The following TCF15 variants were observed in gnomAD, a reference collection of about 807,000 sequenced individuals.
TCF15 encodes the protein TCF-15.
A neutral mutation model predicts 11.1 loss-of-function variants in TCF15; 7 were observed. That is an observed-to-expected ratio of 0.63 (90% CI 0.36 to 1.19). The LOEUF is 1.19. Among genes scored for constraint, TCF15 ranks in the 50% most tolerant of loss-of-function variants. The probability of loss-of-function intolerance (pLI) is 0.02; values close to 1 mark genes in which losing one functional copy is unlikely to be tolerated. For synonymous variants in TCF15, 144 were observed against 138.9 expected, an observed-to-expected ratio of 1.04 and a Z score of -0.26; for missense variants, 288 against 289.4, an observed-to-expected ratio of 1.00 and a Z score of 0.03.
chr20:604,585 C>T lies in TCF15; in HGVS notation c.*6G>A. Reference sequence around the variant, plus strand: ...GGCTCCTGGCCTCCTTCTCCAGGGTCCAGGCTCATCTCCGTGGCCCTCGAA... The same window carrying T: ...GGCTCCTGGCCTCCTTCTCCAGGGTTCAGGCTCATCTCCGTGGCCCTCGAA... On this transcript the variant is annotated 3_prime_UTR_variant, in exon 2 of 2. Coordinates refer to ENST00000246080, the MANE Select transcript of TCF15 (RefSeq NM_004609.4). The surrounding 1 kb of genome is among the most constrained non-coding windows in gnomAD (Gnocchi z 4.2). The T allele has an allele frequency of 1.3e-6, 2 of 1,552,144 alleles. No homozygotes were observed. Among genetic ancestry groups the T allele is most frequent in the Non-Finnish European group, 1.7e-6 (2 of 1,147,304 alleles).
Position 604,559 on chromosome 20 carries a change from T to C in TCF15, c.*32A>G. 1 of 1,543,930 alleles carries C rather than the reference T, an allele frequency of 6.5e-7. No homozygotes were observed. Among genetic ancestry groups the C allele is most frequent in the Middle Eastern group, 1.7e-4 (1 of 5,860 alleles). ...TCTTCTTCCCTGTCCAGCCAGTGGC[T>C]GGCTCCTGGCCTCCTTCTCCAGGGT... On this transcript the variant is annotated 3_prime_UTR_variant, in exon 2 of 2. Coordinates refer to ENST00000246080, the MANE Select transcript of TCF15 (RefSeq NM_004609.4). The surrounding 1 kb of genome is among the most constrained non-coding windows in gnomAD (Gnocchi z 4.2).
chr20:605,123 G>A (rs562461876), intron 1 of TCF15, among the ~76,000 whole-genome samples: 1 of 152,180 alleles, frequency 6.6e-6, no homozygotes, highest in Non-Finnish European at 1.5e-5. Context: ...CCCGAGTAGC[G>A]GGGACTACAG....
intron 1 of TCF15, among the ~76,000 whole-genome samples, chr20:608,363 A>T (rs565874213): frequency 6.6e-6 from 1 of 152,262 alleles, no homozygotes; most frequent in East Asian, 1.9e-4. Context: ...AACTGGAATG[A>T]ATGGGTGAAA....
chr20:609,164 T>C lies in TCF15; in HGVS notation c.525+549A>G, dbSNP rs963902692. 8.6e-5 allele frequency among the ~76,000 whole-genome samples: 13 copies of C among 152,032 alleles called. No individual in the cohort carries two copies. The highest frequency in any genetic ancestry group is 3.1e-4 in the African/African-American group (13 of 41,396). On this transcript the variant is annotated intron_variant, in intron 1 of 1. Transcript: ENST00000246080. The surrounding 1 kb of genome is among the most constrained non-coding windows in gnomAD (Gnocchi z 4.7). ...TTCTTCTCAGTCTCCTGCTCTTGGG[T>C]TAGATCTTAGGACAGGGGACAATTA...
At position 609,221 on chromosome 20, in the gene TCF15, G is replaced by A. The variant is rs748506449; in HGVS notation, c.525+492C>T. On this transcript the variant is annotated intron_variant, in intron 1 of 1. Coordinates refer to ENST00000246080, the MANE Select transcript of TCF15 (RefSeq NM_004609.4). This position sits in a 1 kb window ranked among gnomAD's most constrained non-coding sequence, Gnocchi z 4.7. ...GGTGGGGGCAACACACACCGGGCAA[G>A]CCCAGGGCCAGCGCCCCGGCTTCCC... Among the ~76,000 whole-genome samples the A allele has an allele frequency of 5.4e-5, 8 of 147,596 alleles. No individual in the cohort carries two copies. Among genetic ancestry groups the A allele is most frequent in the Non-Finnish European group, 8.8e-5 (6 of 68,024 alleles).
Position 609,618 on chromosome 20 carries a change from C to CA in TCF15, c.525+94_525+95insT. On this transcript the variant is annotated intron_variant, in intron 1 of 1. Transcript: ENST00000246080. The surrounding 1 kb of genome is among the most constrained non-coding windows in gnomAD (Gnocchi z 4.7). ...ATTCCACGTCGCTTCCCCCTGGCCT[C>CA]GTTGGGGACCCCTGCACCTCTCCGG... 1.6e-6 allele frequency: 2 copies of CA among 1,281,762 alleles called. No homozygotes were observed. Among genetic ancestry groups the CA allele is most frequent in the Non-Finnish European group, 2.0e-6 (2 of 1,016,754 alleles). 79.4% of individuals were successfully genotyped at this position (1,281,762 alleles called of 1,614,324 possible).
rs1289275331 is a variant in TCF15 at position 609,879 on chromosome 20, T to C, written c.359A>G (p.Tyr120Cys). 1 of 1,527,186 alleles carries C rather than the reference T, an allele frequency of 6.5e-7. No homozygotes were observed. The highest frequency in any genetic ancestry group is 2.0e-5 in the Admixed American group (1 of 49,644). The allele number at this position is 1,527,186 out of a possible 1,614,324, so 94.6% of individuals were successfully genotyped here. Residue 120 changes from tyrosine to cysteine, a missense_variant, in exon 1 of 2, where the codon TAC (tyrosine) becomes TGC (cysteine). Coordinates refer to ENST00000246080, the MANE Select transcript of TCF15 (RefSeq NM_004609.4). This position sits in a 1 kb window ranked among gnomAD's most constrained non-coding sequence, Gnocchi z 4.7. ...KIETVRLASS[Y>C]IAHLANVLLL... ...CAGCACGTTGGCCAGGTGCGCGATG[T>C]AGCTGGACGCCAGGCGCACGGTCTC...
rs1487218233 is a variant in TCF15 at position 609,291 on chromosome 20, T to A, written c.525+422A>T. Among the ~76,000 whole-genome samples the A allele has an allele frequency of 6.6e-6, 1 of 152,140 alleles. No individual in the cohort carries two copies. The highest frequency in any genetic ancestry group is 1.5e-5 in the Non-Finnish European group (1 of 68,028). On this transcript the variant is annotated intron_variant, in intron 1 of 1. Transcript: ENST00000246080. The surrounding 1 kb of genome is among the most constrained non-coding windows in gnomAD (Gnocchi z 4.7). ...GGTGATCCCATCTCTGATGCTCAGA[T>A]CCTCATCAGGATAAAATGGGCAGAA...
In TCF15 at chr20:604,644, C is replaced by A. The variant is rs1431950074; in HGVS notation, c.547G>T (p.Gly183Cys). The change falls in exon 2 of 2, where the codon GGC becomes TGC. Residue 183 changes from glycine (G) to cysteine (C), a missense_variant. Physicochemically the swap from Gly to Cys is radical, Grantham distance 159. Coordinates refer to ENST00000246080, the MANE Select transcript of TCF15 (RefSeq NM_004609.4). This position sits in a 1 kb window ranked among gnomAD's most constrained non-coding sequence, Gnocchi z 4.2. ...ACCCCCCTCACCTTCAAGCAGCTGC[C>A]CCCCAGGTCACGACGGCCACCCTGC... ...RKGGGRRDLG[G>C]SCLKVRGVAP... 1 of 1,553,666 alleles carries A rather than the reference C, an allele frequency of 6.4e-7. No individual in the cohort carries two copies. The highest frequency in any genetic ancestry group is 2.4e-5 in the East Asian group (1 of 41,070).
intron 1 of TCF15, among the ~76,000 whole-genome samples, chr20:608,044 C>T (rs1230671971): frequency 6.6e-6 from 1 of 152,138 alleles, no homozygotes; most frequent in Admixed American, 6.5e-5. Context: ...TGCTGTATGC[C>T]CCAATCCTAG....
intron 1 of TCF15, among the ~76,000 whole-genome samples, chr20:607,881 T>C (rs925737190): frequency 6.6e-6 from 1 of 152,216 alleles, no homozygotes; most frequent in Non-Finnish European, 1.5e-5. Flanking sequence ...TTCCTGGCTG[T>C]TGCAGGATTT....
chr20:604,978 G>A lies in TCF15; in HGVS notation c.526-313C>T, dbSNP rs1041538228. 3.3e-5 allele frequency among the ~76,000 whole-genome samples: 5 copies of A among 152,170 alleles called. No homozygotes were observed. Among genetic ancestry groups the A allele is most frequent in the African/African-American group, 1.2e-4 (5 of 41,446 alleles). On this transcript the variant is annotated intron_variant, in intron 1 of 1. Coordinates refer to ENST00000246080, the MANE Select transcript of TCF15 (RefSeq NM_004609.4). This position sits in a 1 kb window ranked among gnomAD's most constrained non-coding sequence, Gnocchi z 4.2. The stretch of plus-strand genomic sequence containing the variant: ...GAATTTGATGATGGAGAGAGGATGG[G>A]AGGGAGGCTCTCTCATGCTATACTG...
chr20:609,241 C>A lies in TCF15; in HGVS notation c.525+472G>T, dbSNP rs971647588. ...GGCAAGCCCAGGGCCAGCGCCCCGG[C>A]TTCCCAGCTGAGTAAATGTGGGCAG... On this transcript the variant is annotated intron_variant, in intron 1 of 1. Coordinates refer to ENST00000246080, the MANE Select transcript of TCF15 (RefSeq NM_004609.4). This position sits in a 1 kb window ranked among gnomAD's most constrained non-coding sequence, Gnocchi z 4.7. Among the ~76,000 whole-genome samples the A allele has an allele frequency of 2.6e-5, 4 of 152,210 alleles. No homozygotes were observed. The highest frequency in any genetic ancestry group is 9.7e-5 in the African/African-American group (4 of 41,442).
intron 1 of TCF15, among the ~76,000 whole-genome samples, chr20:606,568 C>G (rs1196767634): frequency 6.6e-6 from 1 of 152,150 alleles, no homozygotes; most frequent in Non-Finnish European, 1.5e-5. Flanking sequence ...GTAATCCCAG[C>G]ACTTTTGGGA....
chr20:606,598 C>T (rs1302730906), intron 1 of TCF15, among the ~76,000 whole-genome samples: 1 of 152,108 alleles, frequency 6.6e-6, no homozygotes, highest in African/African-American at 2.4e-5. Context: ...AGGCGGATCA[C>T]CTGAGGCCAG....
chr20:609,657 G>T lies in TCF15; in HGVS notation c.525+56C>A. On this transcript the variant is annotated intron_variant, in intron 1 of 1. Coordinates refer to ENST00000246080, the MANE Select transcript of TCF15 (RefSeq NM_004609.4). This position sits in a 1 kb window ranked among gnomAD's most constrained non-coding sequence, Gnocchi z 4.7. ...GCACCTCTCCGGTTCCCGCAGAGGC[G>T]CTGCCCCCCGCCTACCCCGACCTGG... 7.6e-7 allele frequency: 1 copy of T among 1,321,836 alleles called. No homozygotes were observed. The highest frequency in any genetic ancestry group is 9.6e-7 in the Non-Finnish European group (1 of 1,043,324). The allele number at this position is 1,321,836 out of a possible 1,614,324, so 81.9% of individuals were successfully genotyped here.
rs74509986 is a variant in TCF15 at position 604,321 on chromosome 20, G to A, written c.*270C>T. The A allele has an allele frequency of 4.5e-5, 25 of 552,752 alleles. No individual in the cohort carries two copies. Among genetic ancestry groups the A allele is most frequent in the African/African-American group, 4.2e-4 (22 of 52,676 alleles). The allele number at this position is 552,752 out of a possible 1,614,324, so 34.2% of individuals were successfully genotyped here. A position where few individuals can be genotyped will look rare whatever the true frequency, so the allele number is the denominator to read the frequency against. On this transcript the variant is annotated 3_prime_UTR_variant, in exon 2 of 2. Coordinates refer to ENST00000246080, the MANE Select transcript of TCF15 (RefSeq NM_004609.4). The surrounding 1 kb of genome is among the most constrained non-coding windows in gnomAD (Gnocchi z 4.2). ...CTCTCTCACACACACTCACACTCAC[G>A]CACAGATACACACACACCCTGTCAC...
chr20:610,089 C>A lies in TCF15; in HGVS notation c.149G>T (p.Gly50Val). The A allele has an allele frequency of 5.1e-6, 5 of 984,586 alleles. No individual in the cohort carries two copies. The highest frequency in any genetic ancestry group is 6.0e-6 in the Non-Finnish European group (5 of 830,248). 61.0% of individuals were successfully genotyped at this position (984,586 alleles called of 1,614,324 possible). ...CCEGPEAARR[G>V]PGPGGGRRAG... ...CCGCCGCCCGCCCCCGGGGCCCGGGCCGCGCCGCGCCGCCTCCGGGCCCTC... is the reference window on the plus strand; with the variant it reads ...CCGCCGCCCGCCCCCGGGGCCCGGGACGCGCCGCGCCGCCTCCGGGCCCTC... The change falls in exon 1 of 2, where the codon GGC (glycine) becomes GTC (valine). Residue 50 changes from glycine to valine, a missense_variant. By Grantham distance (109) the Gly-to-Val change is moderately radical. Coordinates refer to ENST00000246080, the MANE Select transcript of TCF15 (RefSeq NM_004609.4).
At position 609,939 on chromosome 20, in the gene TCF15, G is replaced by C; in HGVS notation, c.299C>G (p.Pro100Arg). 8.0e-6 allele frequency: 12 copies of C among 1,508,500 alleles called. No individual in the cohort carries two copies. The highest frequency in any genetic ancestry group is 1.1e-5 in the Non-Finnish European group (12 of 1,137,302). The allele number at this position is 1,508,500 out of a possible 1,614,324, so 93.4% of individuals were successfully genotyped here. Residue 100 changes from proline to arginine, a missense_variant, in exon 1 of 2, where the codon CCC (proline) becomes CGC (arginine). By Grantham distance (103) the Pro-to-Arg change is moderately radical (BLOSUM62 -2). Transcript: ENST00000246080. The surrounding 1 kb of genome is among the most constrained non-coding windows in gnomAD (Gnocchi z 4.7). ...CAGCTTGCGGTCCACCGGCTCGGTGGGGATGAGCGTGCGCAGCGCCGTGAA... is the reference window on the plus strand; with the variant it reads ...CAGCTTGCGGTCCACCGGCTCGGTGCGGATGAGCGTGCGCAGCGCCGTGAA... ...TAFTALRTLI[P>R]TEPVDRKLSK...
Sources: gnomAD v4.1 joint callset for allele counts (sites outside exome capture counted in the v4.1 genomes callset) on GRCh38, gnomAD v4.1.1 for gene constraint, Gnocchi (gnomAD v3.1) non-coding constraint, MANE v1.5 for transcripts, NCBI Gene and HGNC (gene_info 2026-07-23, HGNC 2026-07-21) for gene names.